The following SAMD12 variants were observed in gnomAD, a reference collection of about 807,000 sequenced individuals.
SAMD12 encodes the protein sterile alpha motif domain-containing protein 12.
Under a neutral mutation model 15.0 loss-of-function variants are expected in SAMD12, and 9 were observed. The ratio of observed to expected loss-of-function variants is 0.60; its 90% CI spans 0.36 to 1.05. SAMD12 has a LOEUF of 1.05. Among genes scored for constraint, SAMD12 ranks in the 50% least tolerant of loss-of-function variants. The pLI is 0.01. For synonymous variants in SAMD12, 86 were observed against 90.1 expected, an observed-to-expected ratio of 0.96 and a Z score of 0.25; for missense variants, 230 against 234.2, an observed-to-expected ratio of 0.98 and a Z score of 0.12.
chr8:118,397,846 G>A (rs1411603783), intron 3 of SAMD12, among the ~76,000 whole-genome samples: 1 of 152,122 alleles, frequency 6.6e-6, no homozygotes, highest in Admixed American at 6.5e-5. Context: ...AGGTTGGAGT[G>A]CAGTGGTGCA....
intron 2 of SAMD12, among the ~76,000 whole-genome samples, chr8:118,577,118 A>AT (rs1162821979): frequency 1.3e-5 from 2 of 152,074 alleles, no homozygotes; most frequent in African/African-American, 2.4e-5. Context: ...AACTGGATTC[A>AT]TTTTTTTATT....
intron 3 of SAMD12, among the ~76,000 whole-genome samples, chr8:118,434,543 T>C (rs1216101168): frequency 1.4e-4 from 21 of 152,150 alleles, no homozygotes; most frequent in Admixed American, 1.4e-3. Context: ...GGTGAAGTGA[T>C]GTTAGCAACC....
intron 1 of SAMD12, among the ~76,000 whole-genome samples, chr8:118,601,362 G>C (rs1465079579): frequency 6.6e-6 from 1 of 151,978 alleles, no homozygotes; most frequent in Admixed American, 6.6e-5. Context: ...TATGCTTTTA[G>C]GTCTAAATAT....
At chr8:118,601,176 G>C (rs988345677) in intron 1 of SAMD12, among the ~76,000 whole-genome samples, 2 of 151,900 alleles carry the variant, frequency 1.3e-5, no homozygotes, top group Admixed American at 1.3e-4. Context: ...TTTCCAATGG[G>C]TATATATAAT....
At chr8:118,176,047 A>T in the SAMD12 span, among the ~76,000 whole-genome samples, 9 of 152,220 alleles carry the variant, frequency 5.9e-5, no homozygotes, top group Non-Finnish European at 1.2e-4. Context: ...CACGCCTGCA[A>T]TCCCAGCGCT....
chr8:118,231,677 GC>G, intron 4 of SAMD12, among the ~76,000 whole-genome samples: 1 of 152,172 alleles, frequency 6.6e-6, no homozygotes, highest in Non-Finnish European at 1.5e-5. Context: ...TTATTATTTG[GC>G]TATTGTGTGT....
At chr8:118,345,419 T>C (rs1231494182) in intron 4 of SAMD12, among the ~76,000 whole-genome samples, 6 of 152,110 alleles carry the variant, frequency 3.9e-5, no homozygotes, top group Admixed American at 3.9e-4. Context: ...TGATACGCGC[T>C]AAGGTATATG....
chr8:118,579,294 A>C (rs565950279), intron 2 of SAMD12, among the ~76,000 whole-genome samples: 1 of 152,180 alleles, frequency 6.6e-6, no homozygotes, highest in East Asian at 1.9e-4. Context: ...AGGACCCTTA[A>C]GGCGTTTTTT....
chr8:118,478,354 C>T (rs765918952), intron 2 of SAMD12, among the ~76,000 whole-genome samples: 1 of 152,110 alleles, frequency 6.6e-6, no homozygotes, highest in Non-Finnish European at 1.5e-5. Flanking sequence ...CTGCAGAGCC[C>T]CTGACCACCC....
intron 2 of SAMD12, among the ~76,000 whole-genome samples, chr8:118,470,997 A>G (rs1488395593): frequency 6.6e-6 from 1 of 152,248 alleles, no homozygotes; most frequent in East Asian, 1.9e-4. Context: ...TGAAAATGTG[A>G]AAGAATATGT....
At chr8:118,568,061 A>G (rs1423715013) in intron 2 of SAMD12, among the ~76,000 whole-genome samples, 1 of 152,220 alleles carries the variant, frequency 6.6e-6, no homozygotes, top group Admixed American at 6.5e-5. Context: ...ATAAACATAA[A>G]TTATGTATGG....
intron 2 of SAMD12, among the ~76,000 whole-genome samples, chr8:118,454,526 C>T (rs1263269697): frequency 6.6e-6 from 1 of 152,142 alleles, no homozygotes; most frequent in African/African-American, 2.4e-5. Context: ...AGTATATTCC[C>T]TACTCTGTTT....
chr8:118,365,810 G>T (rs891657018), intron 4 of SAMD12, among the ~76,000 whole-genome samples: 1 of 151,842 alleles, frequency 6.6e-6, no homozygotes, highest in Non-Finnish European at 1.5e-5. Flanking sequence ...TTCTATAGTC[G>T]CCAAGCACCA....
intron 2 of SAMD12, among the ~76,000 whole-genome samples, chr8:118,485,360 A>G (rs557600838): frequency 6.6e-6 from 1 of 152,314 alleles, no homozygotes; most frequent in Admixed American, 6.5e-5. Flanking sequence ...GGTGGAAGAG[A>G]TGGGGGAAGG....
chr8:118,386,542 G>A (rs984555529), intron 3 of SAMD12, among the ~76,000 whole-genome samples: 2 of 152,144 alleles, frequency 1.3e-5, no homozygotes, highest in Non-Finnish European at 2.9e-5. Context: ...CTGTTGGGTG[G>A]ATATTATTCA....
chr8:118,215,701 G>A (rs1447576633), intron 4 of SAMD12, among the ~76,000 whole-genome samples: 5 of 151,306 alleles, frequency 3.3e-5, no homozygotes, highest in Admixed American at 2.0e-4. Context: ...ACCTATGAGT[G>A]AGAATATGCA....
chr8:118,222,299 G>A (rs985857684), intron 4 of SAMD12, among the ~76,000 whole-genome samples: 3 of 152,212 alleles, frequency 2.0e-5, no homozygotes, highest in Admixed American at 2.0e-4. Context: ...ATGTGGGCAG[G>A]AGGCAGAATG....
chr8:118,262,146 AC>A (rs1740790046), intron 4 of SAMD12, among the ~76,000 whole-genome samples: 1 of 151,966 alleles, frequency 6.6e-6, no homozygotes, highest in African/African-American at 2.4e-5. Flanking sequence ...ATCAACAGCC[AC>A]TCACTACTTG....
intron 3 of SAMD12, among the ~76,000 whole-genome samples, chr8:118,396,741 A>G (rs1209928465): frequency 1.3e-5 from 2 of 152,228 alleles, no homozygotes; most frequent in Non-Finnish European, 2.9e-5. Context: ...TTAATAAACC[A>G]TTAATGACTT....
Sources: gnomAD v4.1 joint callset for allele counts (sites outside exome capture counted in the v4.1 genomes callset) on GRCh38, gnomAD v4.1.1 for gene constraint, MANE v1.5 for transcripts, NCBI Gene and HGNC (gene_info 2026-07-23, HGNC 2026-07-21) for gene names.